Variants in ATF7IP2 observed in about 807,000 individuals in gnomAD.
ATF7IP2 encodes the protein activating transcription factor 7-interacting protein 2.
Under a neutral mutation model 64.2 loss-of-function variants are expected in ATF7IP2, and 42 were observed. That is an observed-to-expected ratio of 0.65 (90% confidence interval 0.51 to 0.85). The LOEUF (loss-of-function observed/expected upper bound fraction) is 0.85. ATF7IP2 is among the 40% of genes least tolerant of loss of function. The probability of loss-of-function intolerance (pLI) is 0.00; values close to 1 mark genes in which losing one functional copy is unlikely to be tolerated. For missense variants in ATF7IP2, 933 were observed against 784.2 expected (o/e 1.19, Z -2.27); for synonymous variants, 308 against 272.8 (o/e 1.13, Z -1.27).
intron 8 of ATF7IP2, among the ~76,000 whole-genome samples, chr16:10,451,682 A>G (rs556470263): frequency 1.3e-5 from 2 of 151,752 alleles, no homozygotes; most frequent in African/African-American, 2.4e-5. Context: ...GGTCATTTAT[A>G]TTCTTCTCTA....
intron 6 of ATF7IP2, among the ~76,000 whole-genome samples, chr16:10,436,579 TG>T (rs2048426351): frequency 4.4e-5 from 6 of 135,294 alleles, no homozygotes; most frequent in Non-Finnish European, 1.1e-4. Context: ...GGAAGAGCCT[TG>T]GGAATGATCA....
intron 9 of ATF7IP2, among the ~76,000 whole-genome samples, chr16:10,469,892 TA>T (rs34620633): frequency 0.63 from 92,290 of 146,896 alleles, 28,548 homozygotes; most frequent in East Asian, 0.69. Flanking sequence ...ATTGAAAGTT[TA>T]AAAAAAAAAA....
At chr16:10,441,787 G>T (rs2048632208) in intron 8 of ATF7IP2, among the ~76,000 whole-genome samples, 1 of 152,124 alleles carries the variant, frequency 6.6e-6, no homozygotes, top group Non-Finnish European at 1.5e-5. Context: ...TGTTGCTGTT[G>T]CTTTTGGTGT....
chr16:10,430,578 A>AAATGCATTT, intron 4 of ATF7IP2, 33 bp from the exon 5 acceptor site: 1 of 1,365,300 alleles, frequency 7.3e-7, no homozygotes, highest in South Asian at 1.3e-5. Context: ...TTCACTAGAG[A>AAATGCATTT]AATGCATTTA....
At chr16:10,445,438 A>G (rs2048767978) in intron 8 of ATF7IP2, 1 of 152,204 alleles carries the variant, frequency 6.6e-6, no homozygotes, top group Admixed American at 6.5e-5. Flanking sequence ...TGACTTTCAA[A>G]AGAAAGGCTT....
chr16:10,457,213 A>G (rs2049199586), intron 8 of ATF7IP2, 159 bp from the exon 9 acceptor site: 1 of 584,078 alleles, frequency 1.7e-6, no homozygotes, highest in Non-Finnish European at 2.9e-6. Flanking sequence ...TCATTTTGGC[A>G]GGCAAATCAC....
intron 9 of ATF7IP2, among the ~76,000 whole-genome samples, chr16:10,469,141 T>TA (rs2049693020): frequency 6.6e-6 from 1 of 152,010 alleles, no homozygotes; most frequent in Non-Finnish European, 1.5e-5. Flanking sequence ...TAGCAAAAAA[T>TA]ATGACCTATC....
intron 9 of ATF7IP2, among the ~76,000 whole-genome samples, chr16:10,464,555 T>G (rs749766666): frequency 1.3e-5 from 2 of 152,190 alleles, no homozygotes; most frequent in African/African-American, 2.4e-5. Context: ...AAAATTAAAC[T>G]TGCTTAAGTT....
chr16:10,458,063 T>A (rs374103044), intron 9 of ATF7IP2, among the ~76,000 whole-genome samples: 1 of 152,216 alleles, frequency 6.6e-6, no homozygotes, highest in Non-Finnish European at 1.5e-5. Context: ...AATAAGTAGA[T>A]TAAATGATGG....
intron 8 of ATF7IP2, among the ~76,000 whole-genome samples, chr16:10,452,031 G>A (rs750988322): frequency 4.0e-5 from 6 of 151,756 alleles, no homozygotes; most frequent in Non-Finnish European, 7.4e-5. Flanking sequence ...CAGCCTGGGC[G>A]ACAAGAGCAA....
intron 6 of ATF7IP2, among the ~76,000 whole-genome samples, chr16:10,435,642 G>A (rs1439046780): frequency 2.0e-5 from 3 of 152,204 alleles, no homozygotes; most frequent in Non-Finnish European, 2.9e-5. Context: ...TCAAATTTAA[G>A]GACCTGTCCC....
At chr16:10,474,883 T>C (rs62027486) in intron 12 of ATF7IP2, among the ~76,000 whole-genome samples, 13,152 of 152,222 alleles carry the variant, frequency 0.086, 643 homozygotes, top group African/African-American at 0.12. Context: ...GGAAAATAAC[T>C]GTCAACCTGT....
rs1279451616 is a variant in ATF7IP2 at position 10,482,462 on chromosome 16, C to A, written c.*213C>A. On this transcript the variant is annotated 3_prime_UTR_variant, in exon 14 of 14. Coordinates refer to ENST00000562102, the MANE Select transcript of ATF7IP2 (RefSeq NM_001393719.1). ...TCCAATGGATAAGTTCTAAAACATACGCTATCATTGGCCCATGTTGCTGAG... is the reference window on the plus strand; with the variant it reads ...TCCAATGGATAAGTTCTAAAACATAAGCTATCATTGGCCCATGTTGCTGAG... 5 of 420,750 alleles carry A rather than the reference C, an allele frequency of 1.2e-5. No individual in the cohort carries two copies. The highest frequency in any genetic ancestry group is 8.4e-5 in the Admixed American group (2 of 23,820). The allele number at this position is 420,750 out of a possible 1,614,324, so 26.1% of individuals were successfully genotyped here.
At chr16:10,397,936 C>G (rs1206250276) in intron 1 of ATF7IP2, among the ~76,000 whole-genome samples, 2 of 151,388 alleles carry the variant, frequency 1.3e-5, no homozygotes, top group African/African-American at 4.9e-5. Flanking sequence ...GTGCACATCA[C>G]TAATATTCAT....
At chr16:10,434,926 C>G (rs1216327887) in intron 6 of ATF7IP2, among the ~76,000 whole-genome samples, 1 of 152,140 alleles carries the variant, frequency 6.6e-6, no homozygotes, top group South Asian at 2.1e-4. Flanking sequence ...CTAGCACACC[C>G]AGCTAACTTT....
chr16:10,409,577 C>T (rs967654209), intron 1 of ATF7IP2, among the ~76,000 whole-genome samples: 4 of 151,980 alleles, frequency 2.6e-5, no homozygotes, highest in African/African-American at 9.7e-5. Flanking sequence ...CAGGCCCCTG[C>T]AACCACGCCC....
At chr16:10,476,621 C>T (rs780594076) in intron 12 of ATF7IP2, among the ~76,000 whole-genome samples, 1 of 152,104 alleles carries the variant, frequency 6.6e-6, no homozygotes, top group Non-Finnish European at 1.5e-5. Context: ...TTAAGCCTGG[C>T]ATGCATTAAC....
chr16:10,428,280 C>T (rs141642379), intron 3 of ATF7IP2, among the ~76,000 whole-genome samples: 242 of 152,254 alleles, frequency 1.6e-3, no homozygotes, highest in Admixed American at 4.3e-3. Context: ...ACACATATTA[C>T]AAGTCTTTTG....
At chr16:10,438,775 C>A (rs1168785781) in intron 7 of ATF7IP2, among the ~76,000 whole-genome samples, 1 of 152,148 alleles carries the variant, frequency 6.6e-6, no homozygotes, top group African/African-American at 2.4e-5. Flanking sequence ...GCAGCTTCGG[C>A]CAGGCGCGAT....
Sources: gnomAD v4.1 joint callset for allele counts (sites outside exome capture counted in the v4.1 genomes callset) on GRCh38, gnomAD v4.1.1 for gene constraint, MANE v1.5 for transcripts, NCBI Gene and HGNC (gene_info 2026-07-23, HGNC 2026-07-21) for gene names.